Variants in IMMP2L observed in about 807,000 individuals in gnomAD.
IMMP2L encodes the protein inner mitochondrial membrane peptidase subunit 2, also known as mitochondrial inner membrane protease subunit 2.
In IMMP2L, 18 loss-of-function variants were observed where a neutral mutation model predicts 19.3. That is an observed-to-expected ratio of 0.93 (90% confidence interval 0.64 to 1.38). The LOEUF (loss-of-function observed/expected upper bound fraction) is 1.38, where lower values mean the gene tolerates loss of function less well. Among genes scored for constraint, IMMP2L ranks in the 40% most tolerant of loss-of-function variants. The pLI, the probability that IMMP2L is intolerant of heterozygous loss-of-function variation, is 0.00. For synonymous variants in IMMP2L, 76 were observed against 73.0 expected (o/e 1.04, Z -0.21); for missense variants, 233 against 218.2 (o/e 1.07, Z -0.43).
intron 5 of IMMP2L, among the ~76,000 whole-genome samples, chr7:110,815,575 G>A (rs1367733371): frequency 6.6e-6 from 1 of 152,000 alleles, no homozygotes; most frequent in Non-Finnish European, 1.5e-5. Context: ...GGTAGAATTC[G>A]GCTGTGAATC....
chr7:111,235,378 G>A (rs887461255), intron 3 of IMMP2L, among the ~76,000 whole-genome samples: 1 of 151,924 alleles, frequency 6.6e-6, no homozygotes, highest in Non-Finnish European at 1.5e-5. Context: ...GGCTGAGACA[G>A]GAGAATCGCT....
chr7:111,525,120 A>T (rs902217523), intron 1 of IMMP2L, among the ~76,000 whole-genome samples: 1 of 152,200 alleles, frequency 6.6e-6, no homozygotes, highest in African/African-American at 2.4e-5. Flanking sequence ...AATAAGTGCT[A>T]TAAGAGAGAT....
At chr7:111,451,173 C>T (rs1839124046) in intron 3 of IMMP2L, among the ~76,000 whole-genome samples, 1 of 145,270 alleles carries the variant, frequency 6.9e-6, no homozygotes, top group South Asian at 2.1e-4. Flanking sequence ...GGATCTAGAA[C>T]TAGAAATACC....
chr7:111,130,695 G>T (rs1036233222), intron 3 of IMMP2L, among the ~76,000 whole-genome samples: 2 of 152,046 alleles, frequency 1.3e-5, no homozygotes, highest in Non-Finnish European at 2.9e-5. Context: ...GGCTGGTAAA[G>T]ACAGAAATAG....
intron 3 of IMMP2L, among the ~76,000 whole-genome samples, chr7:111,016,694 T>C (rs1825625466): frequency 9.7e-6 from 1 of 102,684 alleles, no homozygotes; most frequent in South Asian, 2.8e-4. Context: ...ATTATATTTC[T>C]ATATTATATA....
At chr7:111,124,464 T>G in intron 3 of IMMP2L, 2 of 1,613,972 alleles carry the variant, frequency 1.2e-6, no homozygotes, top group Non-Finnish European at 1.7e-6. Context: ...AAAATTCTCA[T>G]GCTGCGCAAA....
intron 4 of IMMP2L, among the ~76,000 whole-genome samples, chr7:110,895,888 A>G (rs527327203): frequency 7.2e-5 from 11 of 152,176 alleles, no homozygotes; most frequent in African/African-American, 2.4e-4. Flanking sequence ...GCCTTGCTAA[A>G]CTCTCTTATT....
intron 3 of IMMP2L, among the ~76,000 whole-genome samples, chr7:111,434,113 A>C (rs1836897987): frequency 1.3e-5 from 2 of 151,782 alleles, no homozygotes; most frequent in African/African-American, 4.9e-5. Context: ...ATGGTATAGA[A>C]TAGAGAACCC....
chr7:111,123,196 T>G lies in IMMP2L; in HGVS notation c.240-159631A>C. On this transcript the variant is annotated intron_variant, in intron 3 of 5. Coordinates refer to ENST00000405709, the MANE Select transcript of IMMP2L (RefSeq NM_032549.4). This position sits in a 1 kb window ranked among gnomAD's most constrained non-coding sequence, Gnocchi z 6.4. ...AAAATGTCTGTCCGAACTGAGCAAC[T>G]TACAAGAACTCTATATTAATCACAA... 6.2e-7 allele frequency: 1 copy of G among 1,613,998 alleles called. No individual in the cohort carries two copies. The highest frequency in any genetic ancestry group is 8.5e-7 in the Non-Finnish European group (1 of 1,179,962).
Position 110,760,089 on chromosome 7 carries a change from C to A in IMMP2L, c.409-96368G>T, listed in dbSNP as rs754714619. The stretch of plus-strand genomic sequence containing the variant: ...AGTGGAGACATCTGTGCTTTGTCAT[C>A]ACAAAAGAAAACCGTTTTATTTTTC... On this transcript the variant is annotated intron_variant, in intron 5 of 5. Transcript: ENST00000405709. The surrounding 1 kb of genome is among the most constrained non-coding windows in gnomAD (Gnocchi z 4.2). Among the ~76,000 whole-genome samples, 1 of 152,096 alleles carries A rather than the reference C, an allele frequency of 6.6e-6. No homozygotes were observed. The highest frequency in any genetic ancestry group is 1.5e-5 in the Non-Finnish European group (1 of 67,998).
chr7:110,694,580 C>T (rs1793738291), intron 5 of IMMP2L, among the ~76,000 whole-genome samples: 1 of 152,012 alleles, frequency 6.6e-6, no homozygotes. Flanking sequence ...TGAGAAGGTA[C>T]TCAGGTCTGA....
At chr7:111,470,524 C>T (rs1055098922) in intron 3 of IMMP2L, among the ~76,000 whole-genome samples, 1 of 151,644 alleles carries the variant, frequency 6.6e-6, no homozygotes, top group Non-Finnish European at 1.5e-5. Flanking sequence ...ACATATACAC[C>T]ATGGAATACT....
At chr7:111,545,841 A>T (rs182258768) in intron 1 of IMMP2L, among the ~76,000 whole-genome samples, 359 of 152,258 alleles carry the variant, frequency 2.4e-3, no homozygotes, top group Non-Finnish European at 4.2e-3. Context: ...AGAGGAATAC[A>T]ATGGAAAATA....
intron 3 of IMMP2L, among the ~76,000 whole-genome samples, chr7:111,130,011 A>G (rs996897633): frequency 5.3e-5 from 8 of 152,202 alleles, no homozygotes; most frequent in Admixed American, 1.3e-4. Flanking sequence ...GTATGCATTT[A>G]GTATTCTCAA....
In IMMP2L at chr7:110,877,684, AC is replaced by A. The variant is rs1020886024; in HGVS notation, c.408+8908del. Among the ~76,000 whole-genome samples the A allele has an allele frequency of 1.3e-5, 2 of 152,090 alleles. No individual in the cohort carries two copies. The highest frequency in any genetic ancestry group is 2.4e-5 in the African/African-American group (1 of 41,422). ...CGCTTAGGCCTCGGCAAGAGGCACT[AC>A]TTTTTTGGTGCCTGTGTTTTTGAGA... On this transcript the variant is annotated intron_variant, in intron 5 of 5. Transcript: ENST00000405709. The surrounding 1 kb of genome is among the most constrained non-coding windows in gnomAD (Gnocchi z 4.0).
At chr7:111,281,240 GA>G in intron 3 of IMMP2L, among the ~76,000 whole-genome samples, 1 of 124,996 alleles carries the variant, frequency 8.0e-6, no homozygotes, top group African/African-American at 3.2e-5. Flanking sequence ...AAGAAAGAAA[GA>G]AAGAAGAGAG....
chr7:110,679,660 T>G (rs1368381810), intron 5 of IMMP2L, among the ~76,000 whole-genome samples: 1 of 152,172 alleles, frequency 6.6e-6, no homozygotes, highest in Non-Finnish European at 1.5e-5. Flanking sequence ...ATGCAGCTAT[T>G]CCTCTGCTGG....
intron 4 of IMMP2L, among the ~76,000 whole-genome samples, chr7:110,933,384 T>C (rs1441224640): frequency 6.6e-6 from 1 of 152,204 alleles, no homozygotes; most frequent in Non-Finnish European, 1.5e-5. Flanking sequence ...TTTTCCACTT[T>C]CTTTAAAGAA....
At chr7:111,545,086 A>C (rs1305758454) in intron 1 of IMMP2L, among the ~76,000 whole-genome samples, 1 of 152,132 alleles carries the variant, frequency 6.6e-6, no homozygotes, top group Non-Finnish European at 1.5e-5. Flanking sequence ...GGAGAACAAA[A>C]GGACAACATA....
Sources: gnomAD v4.1 joint callset for allele counts (sites outside exome capture counted in the v4.1 genomes callset) on GRCh38, gnomAD v4.1.1 for gene constraint, Gnocchi (gnomAD v3.1) non-coding constraint, MANE v1.5 for transcripts, NCBI Gene and HGNC (gene_info 2026-07-23, HGNC 2026-07-21) for gene names.